Variants in RREB1 observed in about 807,000 individuals in gnomAD.
RREB1 encodes the protein ras-responsive element-binding protein 1.
In RREB1, 27 loss-of-function variants were observed where a neutral mutation model predicts 117.8. That is an observed-to-expected ratio of 0.23 (90% CI 0.17 to 0.32). RREB1 has a LOEUF of 0.32. RREB1 is among the 10% of genes least tolerant of loss of function. RREB1 has a pLI of 1.00. For missense variants in RREB1, 2,577 were observed against 2,378.2 expected (o/e 1.08, Z -1.74); for synonymous variants, 1,298 against 1,026.7 (o/e 1.26, Z -5.05).
chr6:7,230,007 C>T lies in RREB1; in HGVS notation c.1908C>T (p.Pro636=), dbSNP rs747614920. 7.5e-6 allele frequency: 12 copies of T among 1,608,200 alleles called. No homozygotes were observed. Among genetic ancestry groups the T allele is most frequent in the African/African-American group, 1.3e-5 (1 of 74,748 alleles). The change falls in exon 10 of 13, where the codon CCC becomes CCT. Residue 636 remains proline, a synonymous_variant. Transcript: ENST00000379938. ...CAGCGCCCGGCGGCAAGAAGACGCC[C>T]GCCATGCGCAAGGTGCTCTACCCCT... ...FMTAPGGKKT[P]AMRKVLYPCR...
chr6:7,248,603 C>T lies in RREB1; in HGVS notation c.4864C>T (p.His1622Tyr), dbSNP rs772896500. Reference protein sequence around the residue: ...RHQRIHQKARHAKHHGKDSDK... With the variant: ...RHQRIHQKARYAKHHGKDSDK... Reference sequence around the variant, plus strand: ...CCAGCGGATCCACCAGAAAGCCAGGCATGCCAAACACCACGGGAAGGACAG... The same window carrying T: ...CCAGCGGATCCACCAGAAAGCCAGGTATGCCAAACACCACGGGAAGGACAG... The change falls in exon 13 of 13, where the codon CAT becomes TAT. Residue 1622 changes from histidine to tyrosine, a missense_variant. By Grantham distance (83) the His-to-Tyr change is moderately conservative (BLOSUM62 2). Coordinates refer to ENST00000379938, the MANE Select transcript of RREB1 (RefSeq NM_001003699.4). 1 of 1,614,262 alleles carries T rather than the reference C, an allele frequency of 6.2e-7. No individual in the cohort carries two copies. The highest frequency in any genetic ancestry group is 8.5e-7 in the Non-Finnish European group (1 of 1,180,044).
At chr6:7,130,581 A>T (rs979058238) in intron 1 of RREB1, among the ~76,000 whole-genome samples, 1 of 150,426 alleles carries the variant, frequency 6.6e-6, no homozygotes, top group African/African-American at 2.5e-5. Context: ...GAAAGCTGCC[A>T]TGCCTACCCT....
intron 6 of RREB1, 92 bp downstream of exon 6, chr6:7,189,414 T>A: frequency 1.6e-6 from 2 of 1,222,590 alleles, no homozygotes; most frequent in Non-Finnish European, 1.1e-6. Context: ...AAGACTTGCC[T>A]AAAGGTACAG....
intron 10 of RREB1, among the ~76,000 whole-genome samples, chr6:7,239,657 T>G (rs1768564911): frequency 6.6e-6 from 1 of 152,184 alleles, no homozygotes; most frequent in Admixed American, 6.5e-5. Context: ...TGCCAAAATG[T>G]CCTCTTCACA....
At chr6:7,199,819 A>G (rs1303577877) in intron 6 of RREB1, among the ~76,000 whole-genome samples, 1 of 152,076 alleles carries the variant, frequency 6.6e-6, no homozygotes, top group Non-Finnish European at 1.5e-5. Flanking sequence ...ACACTCCACC[A>G]TGCCTGGCCT....
At chr6:7,134,917 A>T (rs1762289181) in intron 1 of RREB1, among the ~76,000 whole-genome samples, 1 of 152,252 alleles carries the variant, frequency 6.6e-6, no homozygotes, top group Admixed American at 6.5e-5. Flanking sequence ...ACCTGTTCAT[A>T]CACTGAACGG....
At chr6:7,246,374 C>A in intron 11 of RREB1, 50 bp from the exon 12 acceptor site, 1 of 1,412,182 alleles carries the variant, frequency 7.1e-7, no homozygotes, top group Non-Finnish European at 9.3e-7. Flanking sequence ...CTGGCATGGG[C>A]GTACCTGGTG....
rs1178550617 is a variant in RREB1 at position 7,226,660 on chromosome 6, T to C, written c.897+4T>C. On this transcript the variant is annotated splice_donor_region_variant and intron_variant, in intron 9 of 12. Transcript: ENST00000379938. ...GAAGTTTCCTCGCATTTCTCAGGTA[T>C]TCTGATCAGCCCATGGAAGCAACCA... 9 of 1,612,726 alleles carry C rather than the reference T, an allele frequency of 5.6e-6. No individual in the cohort carries two copies. The highest frequency in any genetic ancestry group is 7.6e-6 in the Non-Finnish European group (9 of 1,179,150).
chr6:7,223,178 G>A (rs186329786), intron 8 of RREB1, among the ~76,000 whole-genome samples: 27 of 149,552 alleles, frequency 1.8e-4, no homozygotes, highest in African/African-American at 5.7e-4. Flanking sequence ...GATCACTTGC[G>A]CCCAGGAGTT....
Position 7,181,974 on chromosome 6 carries a change from G to T in RREB1, c.63G>T (p.Met21Ile). The T allele has an allele frequency of 6.2e-7, 1 of 1,614,226 alleles. No individual in the cohort carries two copies. Among genetic ancestry groups the T allele is most frequent in the Non-Finnish European group, 8.5e-7 (1 of 1,180,010 alleles). ...GSDLSSINTM[M>I]SAVMSVGKVT... ...ACCTATCTTCCATCAACACCATGAT[G>T]TCGGCGGTCATGAGTGTAGGGAAGG... Residue 21 changes from methionine to isoleucine, a missense_variant, in exon 4 of 13, where the codon ATG becomes ATT. Met to Ile is a conservative substitution (Grantham distance 10). Coordinates refer to ENST00000379938, the MANE Select transcript of RREB1 (RefSeq NM_001003699.4).
At chr6:7,227,403 T>C (rs1399689312) in intron 9 of RREB1, among the ~76,000 whole-genome samples, 3 of 151,590 alleles carry the variant, frequency 2.0e-5, no homozygotes, top group Non-Finnish European at 1.5e-5. Context: ...TAGCCAGGCG[T>C]GGTAGCATGC....
chr6:7,189,567 A>G (rs1003926791), intron 6 of RREB1, among the ~76,000 whole-genome samples: 13 of 152,226 alleles, frequency 8.5e-5, no homozygotes, highest in South Asian at 2.1e-4. Flanking sequence ...CCCTCTGCCA[A>G]TTGGAGTTGG....
intron 6 of RREB1, among the ~76,000 whole-genome samples, chr6:7,199,254 G>A (rs538231604): frequency 6.6e-6 from 1 of 152,232 alleles, no homozygotes; most frequent in East Asian, 1.9e-4. Flanking sequence ...TGGGGGTAAC[G>A]TTTACTCACA....
At chr6:7,202,343 G>C (rs946523880) in intron 6 of RREB1, among the ~76,000 whole-genome samples, 1 of 152,334 alleles carries the variant, frequency 6.6e-6, no homozygotes, top group South Asian at 2.1e-4. Context: ...CACAGAAAGT[G>C]AGTAAGTAAC....
chr6:7,128,910 A>C (rs1762046238), intron 1 of RREB1, among the ~76,000 whole-genome samples: 2 of 152,222 alleles, frequency 1.3e-5, no homozygotes, highest in Non-Finnish European at 1.5e-5. Context: ...CGGAGGTTGC[A>C]CTAAGCTGAG....
intron 1 of RREB1, among the ~76,000 whole-genome samples, chr6:7,169,908 G>T (rs1254377864): frequency 1.3e-5 from 2 of 152,186 alleles, no homozygotes; most frequent in African/African-American, 4.8e-5. Flanking sequence ...GATAAATTTG[G>T]TAGGCAGGGA....
In RREB1 at chr6:7,152,536, G is replaced by C. The variant is rs566708964; in HGVS notation, c.-284-24119G>C. Among the ~76,000 whole-genome samples the C allele has an allele frequency of 3.3e-5, 5 of 152,304 alleles. No homozygotes were observed. The South Asian group carries it at 1.0e-3, about 32-fold the overall frequency. ...TATTATTCTCAAGTTTGATTTTACA[G>C]CTGAGCTATAAATGTGACCAAATGC... On this transcript the variant is annotated intron_variant, in intron 1 of 12. Coordinates refer to ENST00000379938, the MANE Select transcript of RREB1 (RefSeq NM_001003699.4).
intron 1 of RREB1, among the ~76,000 whole-genome samples, chr6:7,174,654 G>GCACAAT (rs1764412591): frequency 6.6e-6 from 1 of 152,174 alleles, no homozygotes; most frequent in African/African-American, 2.4e-5. Context: ...TGTCGTCCAG[G>GCACAAT]CTGGAGTGCA....
intron 1 of RREB1, among the ~76,000 whole-genome samples, chr6:7,142,097 C>T (rs761757784): frequency 1.1e-4 from 16 of 152,142 alleles, no homozygotes; most frequent in Non-Finnish European, 1.2e-4. Context: ...CGCCTGTGAT[C>T]CCAGCTACTC....
Sources: allele counts gnomAD v4.1 joint callset (sites outside exome capture counted in the v4.1 genomes callset), GRCh38; gene constraint gnomAD v4.1.1; transcripts MANE v1.5; gene names NCBI Gene and HGNC (gene_info 2026-07-23, HGNC 2026-07-21).